Variants in EPHA5 observed in about 807,000 individuals in gnomAD.
The protein encoded by EPHA5 is ephrin type-A receptor 5.
EPHA5 carries 60 observed loss-of-function variants against 105.0 expected under a neutral mutation model. That is an observed-to-expected ratio of 0.57 (90% confidence interval 0.46 to 0.71). The LOEUF is 0.71. Among genes scored for constraint, EPHA5 ranks in the 30% least tolerant of loss-of-function variants. The pLI is 0.00. For synonymous variants in EPHA5, 513 were observed against 449.1 expected, an observed-to-expected ratio of 1.14 and a Z score of -1.80; for missense variants, 1,218 against 1,274.7, an observed-to-expected ratio of 0.96 and a Z score of 0.68.
Position 65,643,439 on chromosome 4 carries a change from A to G in EPHA5, c.182-12T>C. 1.2e-6 allele frequency: 2 copies of G among 1,610,344 alleles called. No individual in the cohort carries two copies. Among genetic ancestry groups the G allele is most frequent in the Non-Finnish European group, 1.7e-6 (2 of 1,177,004 alleles). On this transcript the variant is annotated splice_polypyrimidine_tract_variant and intron_variant, in intron 1 of 16. Coordinates refer to ENST00000613740, the MANE Select transcript of EPHA5 (RefSeq NM_001281766.3). ...ATCCAATAAATTCACTGAAAAGAAA[A>G]GAACAAAAAACTCAGTGAAATGTAT...
At chr4:65,537,800 A>G (rs1736430804) in intron 3 of EPHA5, among the ~76,000 whole-genome samples, 1 of 151,746 alleles carries the variant, frequency 6.6e-6, no homozygotes, top group Non-Finnish European at 1.5e-5. Flanking sequence ...CATCAATTTC[A>G]TGTCTTAAGG....
At chr4:65,432,701 T>G (rs1725095815) in intron 5 of EPHA5, among the ~76,000 whole-genome samples, 1 of 152,022 alleles carries the variant, frequency 6.6e-6, no homozygotes, top group Non-Finnish European at 1.5e-5. Flanking sequence ...CTAAGTATCC[T>G]GGAATATAGG....
At chr4:65,399,290 G>A (rs1721576975) in intron 8 of EPHA5, among the ~76,000 whole-genome samples, 1 of 152,212 alleles carries the variant, frequency 6.6e-6, no homozygotes, top group Admixed American at 6.5e-5. Flanking sequence ...ACAGCAGGAA[G>A]CGTGCCAGGC....
chr4:65,367,225 T>C, intron 9 of EPHA5, 132 bp downstream of exon 9: 2 of 741,244 alleles, frequency 2.7e-6, no homozygotes, highest in Non-Finnish European at 4.2e-6. Context: ...ATGTAACAAA[T>C]AGAACACTTT....
intron 3 of EPHA5, among the ~76,000 whole-genome samples, chr4:65,513,123 G>A (rs553303843): frequency 6.6e-6 from 1 of 152,192 alleles, no homozygotes; most frequent in South Asian, 2.1e-4. Flanking sequence ...TTACTCTGAT[G>A]ATTTATGTCA....
At chr4:65,481,760 T>A (rs535269808) in intron 5 of EPHA5, among the ~76,000 whole-genome samples, 1 of 152,206 alleles carries the variant, frequency 6.6e-6, no homozygotes, top group South Asian at 2.1e-4. Flanking sequence ...GTTCCTGATA[T>A]AGAACCAAGA....
At chr4:65,641,742 T>C (rs1747689008) in intron 2 of EPHA5, among the ~76,000 whole-genome samples, 1 of 152,044 alleles carries the variant, frequency 6.6e-6, no homozygotes, top group African/African-American at 2.4e-5. Flanking sequence ...TGGTACACTA[T>C]GTTGAAGGAA....
chr4:65,564,569 C>T (rs1439620879), intron 3 of EPHA5, among the ~76,000 whole-genome samples: 13 of 151,778 alleles, frequency 8.6e-5, no homozygotes, highest in African/African-American at 3.1e-4. Flanking sequence ...AGCTCAGTCC[C>T]TATTTATACC....
intron 6 of EPHA5, 88 bp from the exon 7 acceptor site, chr4:65,414,531 A>G (rs2149021649): frequency 7.1e-7 from 1 of 1,406,262 alleles, no homozygotes; most frequent in Non-Finnish European, 9.8e-7. Context: ...CAGAAAATGA[A>G]TCAGAAACCA....
chr4:65,592,558 A>G (rs1433183050), intron 3 of EPHA5, among the ~76,000 whole-genome samples: 1 of 152,172 alleles, frequency 6.6e-6, no homozygotes, highest in Non-Finnish European at 1.5e-5. Context: ...AAATTTACAC[A>G]AGGAAAGCAC....
chr4:65,595,579 A>C (rs1743086956), intron 3 of EPHA5, among the ~76,000 whole-genome samples: 2 of 112,288 alleles, frequency 1.8e-5, no homozygotes, highest in African/African-American at 5.6e-5. Flanking sequence ...ATATCTCACA[A>C]GATTTTTTTT....
chr4:65,597,027 C>G (rs533025838), intron 3 of EPHA5, among the ~76,000 whole-genome samples: 2 of 152,150 alleles, frequency 1.3e-5, no homozygotes, highest in African/African-American at 4.8e-5. Context: ...AATCAAGGCT[C>G]TTTCTTGAAT....
chr4:65,666,832 T>C (rs184674517), intron 1 of EPHA5, among the ~76,000 whole-genome samples: 52 of 152,320 alleles, frequency 3.4e-4, no homozygotes, highest in African/African-American at 1.2e-3. Flanking sequence ...CAGATATATG[T>C]TTGGCTTTTT....
intron 3 of EPHA5, among the ~76,000 whole-genome samples, chr4:65,581,340 G>A (rs1472539449): frequency 6.6e-6 from 1 of 151,400 alleles, no homozygotes; most frequent in East Asian, 1.9e-4. Context: ...TTTTGTTCTT[G>A]TTAATCTGTC....
intron 2 of EPHA5, among the ~76,000 whole-genome samples, chr4:65,638,896 C>T (rs952182091): frequency 6.6e-6 from 1 of 152,116 alleles, no homozygotes; most frequent in East Asian, 1.9e-4. Flanking sequence ...ATATTTAAGG[C>T]CACTTACTGA....
At chr4:65,595,706 G>A (rs1743107104) in intron 3 of EPHA5, among the ~76,000 whole-genome samples, 1 of 151,064 alleles carries the variant, frequency 6.6e-6, no homozygotes, top group Admixed American at 6.6e-5. Flanking sequence ...TCAACCTCCC[G>A]AGTAGCTGGG....
chr4:65,527,807 T>A (rs1735381667), intron 3 of EPHA5, among the ~76,000 whole-genome samples: 2 of 152,008 alleles, frequency 1.3e-5, no homozygotes, highest in Non-Finnish European at 2.9e-5. Flanking sequence ...AAGCCCGGTG[T>A]CCACTAATTG....
intron 2 of EPHA5, among the ~76,000 whole-genome samples, chr4:65,613,660 T>C (rs1008827091): frequency 6.6e-6 from 1 of 152,026 alleles, no homozygotes; most frequent in African/African-American, 2.4e-5. Flanking sequence ...AACAGCCATA[T>C]GTCTATTGCA....
chr4:65,524,080 T>C (rs1735013532), intron 3 of EPHA5, among the ~76,000 whole-genome samples: 1 of 150,066 alleles, frequency 6.7e-6, no homozygotes, highest in South Asian at 2.1e-4. Flanking sequence ...TGCTTCACCA[T>C]ATACTTCATT....
Sources: gnomAD v4.1 joint callset for allele counts (sites outside exome capture counted in the v4.1 genomes callset) on GRCh38, gnomAD v4.1.1 for gene constraint, MANE v1.5 for transcripts, NCBI Gene and HGNC (gene_info 2026-07-23, HGNC 2026-07-21) for gene names.